The following DCAF17 variants were observed in gnomAD, a reference collection of about 807,000 sequenced individuals.
DCAF17 encodes DDB1 and CUL4 associated factor 17, also known as DDB1- and CUL4-associated factor 17.
In DCAF17, 48 loss-of-function variants were observed where a neutral mutation model predicts 66.0. That is an observed-to-expected ratio of 0.73 (90% CI 0.58 to 0.92). DCAF17 has a LOEUF of 0.92. Among genes scored for constraint, DCAF17 ranks in the 40% least tolerant of loss-of-function variants. The pLI is 0.00. For synonymous variants in DCAF17, 206 were observed against 214.6 expected (o/e 0.96, Z 0.35); for missense variants, 562 against 622.8 (o/e 0.90, Z 1.04).
chr2:171,457,292 C>A (rs1436675724), intron 6 of DCAF17, among the ~76,000 whole-genome samples: 1 of 152,186 alleles, frequency 6.6e-6, no homozygotes, highest in Non-Finnish European at 1.5e-5. Flanking sequence ...TAAACTGTTT[C>A]TATTTATTCC....
intron 4 of DCAF17, 92 bp from the exon 5 acceptor site, chr2:171,449,787 A>G (rs933792638): frequency 2.4e-6 from 2 of 824,194 alleles, no homozygotes; most frequent in Non-Finnish European, 3.7e-6. Flanking sequence ...TTAAATAACT[A>G]AAAAATAGTT....
chr2:171,445,929 C>T (rs1002481118), intron 3 of DCAF17, among the ~76,000 whole-genome samples: 12 of 152,048 alleles, frequency 7.9e-5, no homozygotes, highest in Admixed American at 2.0e-4. Flanking sequence ...GTGATCTGCC[C>T]GCCTTGGCCT....
chr2:171,473,538 G>C (rs1477755794), intron 9 of DCAF17, among the ~76,000 whole-genome samples: 1 of 151,806 alleles, frequency 6.6e-6, no homozygotes, highest in Non-Finnish European at 1.5e-5. Context: ...GTGTTATTAA[G>C]ATTAAATGAA....
At chr2:171,471,656 A>G (rs1696248723) in intron 9 of DCAF17, among the ~76,000 whole-genome samples, 1 of 152,216 alleles carries the variant, frequency 6.6e-6, no homozygotes, top group African/African-American at 2.4e-5. Flanking sequence ...TCTTGTAGAA[A>G]TTCTTGAAAA....
At position 171,461,925 on chromosome 2, in the gene DCAF17, G is replaced by A. The variant is rs975700579; in HGVS notation, c.838+3448G>A. On this transcript the variant is annotated intron_variant, in intron 8 of 13. Transcript: ENST00000375255. Reference sequence around the variant, plus strand: ...GAAATCACATGGCATGTATTTTTTGGTTTGGCTTCTTTCACTCAGGATATT... The same window carrying A: ...GAAATCACATGGCATGTATTTTTTGATTTGGCTTCTTTCACTCAGGATATT... Among the ~76,000 whole-genome samples, 8 of 151,812 alleles carry A rather than the reference G, an allele frequency of 5.3e-5. No homozygotes were observed. In the East Asian group the frequency reaches 9.6e-4, roughly 18 times the overall value.
Position 171,484,161 on chromosome 2 carries a change from A to G in DCAF17, c.*3047A>G. 2.2e-6 allele frequency: 1 copy of G among 447,294 alleles called. No individual in the cohort carries two copies. Among genetic ancestry groups the G allele is most frequent in the South Asian group, 1.6e-5 (1 of 62,084 alleles). 27.7% of individuals were successfully genotyped at this position (447,294 alleles called of 1,614,324 possible). ...AATCAGTATTAGTAGTTTTCATATT[A>G]TTTGGCTTCCATATTAATCATTTTT... On this transcript the variant is annotated 3_prime_UTR_variant, in exon 14 of 14. Transcript: ENST00000375255.
chr2:171,443,695 T>G (rs1156553219), intron 3 of DCAF17, 82 bp downstream of exon 3: 1 of 1,082,622 alleles, frequency 9.2e-7, no homozygotes, highest in African/African-American at 1.6e-5. Context: ...TTGCATAAAA[T>G]AATACAACTT....
chr2:171,452,777 A>G (rs966459502), intron 5 of DCAF17, among the ~76,000 whole-genome samples: 1 of 152,216 alleles, frequency 6.6e-6, no homozygotes, highest in African/African-American at 2.4e-5. Context: ...TTCAAATGAT[A>G]TGAGCACGAT....
At chr2:171,473,128 G>A (rs1282291608) in intron 9 of DCAF17, among the ~76,000 whole-genome samples, 2 of 152,166 alleles carry the variant, frequency 1.3e-5, no homozygotes, top group Non-Finnish European at 2.9e-5. Flanking sequence ...TGTGACCCAT[G>A]TCTGAGGCTT....
chr2:171,464,652 G>C (rs1441911447), intron 8 of DCAF17, among the ~76,000 whole-genome samples: 1 of 152,146 alleles, frequency 6.6e-6, no homozygotes, highest in African/African-American at 2.4e-5. Context: ...TCACAACAGA[G>C]ACCCAGATCT....
At chr2:171,477,701 A>G (rs1167521985) in intron 11 of DCAF17, among the ~76,000 whole-genome samples, 1 of 151,892 alleles carries the variant, frequency 6.6e-6, no homozygotes, top group Non-Finnish European at 1.5e-5. Context: ...CTGAGCTGGG[A>G]GGATCACTTG....
chr2:171,476,755 G>A (rs1696515714), intron 10 of DCAF17, 105 bp from the exon 11 acceptor site: 4 of 766,682 alleles, frequency 5.2e-6, no homozygotes, highest in Admixed American at 4.1e-5. Context: ...CTACCTCAGT[G>A]TTACTATAAT....
At chr2:171,456,964 CT>C (rs1296313060) in intron 6 of DCAF17, among the ~76,000 whole-genome samples, 1 of 152,132 alleles carries the variant, frequency 6.6e-6, no homozygotes, top group Non-Finnish European at 1.5e-5. Flanking sequence ...ATTTGAATGC[CT>C]TTTATTTGTT....
In DCAF17 at chr2:171,481,231, G is replaced by A; in HGVS notation, c.*117G>A. The A allele has an allele frequency of 7.8e-7, 1 of 1,288,362 alleles. No homozygotes were observed. 79.8% of individuals were successfully genotyped at this position (1,288,362 alleles called of 1,614,324 possible). A position where few individuals can be genotyped will look rare whatever the true frequency, so the allele number is the denominator to read the frequency against. On this transcript the variant is annotated 3_prime_UTR_variant, in exon 14 of 14. Coordinates refer to ENST00000375255, the MANE Select transcript of DCAF17 (RefSeq NM_025000.4). ...CCAGTATTTTCCAAAAAAGTCTTGT[G>A]TTGACTTCAGATGACTATGACTTCT... is the stretch of plus-strand genomic sequence containing the variant.
rs1286753301 is a variant in DCAF17 at position 171,434,597 on chromosome 2, C to T, written c.20C>T (p.Pro7Leu). Residue 7 changes from proline to leucine, a missense_variant, in exon 1 of 14, where the codon CCC (proline) becomes CTC (leucine). Coordinates refer to ENST00000375255, the MANE Select transcript of DCAF17 (RefSeq NM_025000.4). MGPTRKPNVCSRLSRRA... is the reference protein window; with the variant it reads MGPTRKLNVCSRLSRRA... ...GCCTCCATGGGCCCGACCCGGAAGC[C>T]CAACGTGTGCAGCCGGCTGAGTCGC... The T allele has an allele frequency of 6.5e-7, 1 of 1,528,044 alleles. No individual in the cohort carries two copies. Among genetic ancestry groups the T allele is most frequent in the Non-Finnish European group, 8.7e-7 (1 of 1,144,206 alleles). 94.7% of individuals were successfully genotyped at this position (1,528,044 alleles called of 1,614,324 possible). A position where few individuals can be genotyped will look rare whatever the true frequency, so the allele number is the denominator to read the frequency against.
chr2:171,440,930 C>A (rs531716641), intron 2 of DCAF17, among the ~76,000 whole-genome samples: 1 of 152,302 alleles, frequency 6.6e-6, no homozygotes, highest in African/African-American at 2.4e-5. Flanking sequence ...AGACGGGTGG[C>A]ACTTCCAGGC....
intron 2 of DCAF17, among the ~76,000 whole-genome samples, chr2:171,442,355 G>A (rs1182891272): frequency 1.3e-5 from 2 of 151,246 alleles, no homozygotes; most frequent in African/African-American, 2.4e-5. Flanking sequence ...TCAGGAGTTC[G>A]AGACCAGCCT....
In DCAF17 at chr2:171,443,515, T is replaced by A. The variant is rs774566117; in HGVS notation, c.231-8T>A. 2.5e-6 allele frequency: 4 copies of A among 1,608,194 alleles called. No individual in the cohort carries two copies. In the Admixed American group the frequency reaches 5.0e-5, roughly 20 times the overall value. On this transcript the variant is annotated splice_polypyrimidine_tract_variant and splice_region_variant and intron_variant, in intron 2 of 13. Coordinates refer to ENST00000375255, the MANE Select transcript of DCAF17 (RefSeq NM_025000.4). ...GAATAATAATCATTTATTTTTCTTT[T>A]TTCCCAGTGTTGCATCTGAGCCAAG...
chr2:171,480,103 A>T lies in DCAF17; in HGVS notation c.1332A>T (p.Ile444=), dbSNP rs370984688. The change falls in exon 13 of 14, where the codon ATA becomes ATT. Residue 444 remains isoleucine, a synonymous_variant. Coordinates refer to ENST00000375255, the MANE Select transcript of DCAF17 (RefSeq NM_025000.4). The stretch of plus-strand genomic sequence containing the variant: ...TTTCTGTGGTAGCTGTTACTCAAAT[A>T]GATGCTGAAGGAAAAGCTCACCTGG... ...DLLSVVAVTQ[I]DAEGKAHLDF... 8.7e-6 allele frequency: 14 copies of T among 1,613,748 alleles called. No individual in the cohort carries two copies. Among genetic ancestry groups the T allele is most frequent in the Non-Finnish European group, 1.2e-5 (14 of 1,179,812 alleles).
Sources: gnomAD v4.1 joint callset for allele counts (sites outside exome capture counted in the v4.1 genomes callset) on GRCh38, gnomAD v4.1.1 for gene constraint, MANE v1.5 for transcripts, NCBI Gene and HGNC (gene_info 2026-07-23, HGNC 2026-07-21) for gene names.